AQR: variants seen among roughly 807,000 people sequenced by gnomAD.
AQR encodes RNA helicase aquarius.
A neutral mutation model predicts 180.5 loss-of-function variants in AQR; 61 were observed. That is an observed-to-expected ratio of 0.34 (90% CI 0.28 to 0.42). The LOEUF is 0.42. AQR is among the 10% of genes least tolerant of loss of function. AQR has a pLI of 1.00. For missense variants in AQR, 1,281 were observed against 1,798.3 expected, an observed-to-expected ratio of 0.71 and a Z score of 5.20; for synonymous variants, 551 against 588.8, an observed-to-expected ratio of 0.94 and a Z score of 0.93.
chr15:34,878,385 CAAAA>C (rs5811839), intron 27 of AQR, among the ~76,000 whole-genome samples: 1 of 41,658 alleles, frequency 2.4e-5, no homozygotes. Flanking sequence ...GACTCTGTCT[CAAAA>C]AAAAAAAAAA....
intron 31 of AQR, chr15:34,869,223 T>C (rs914979961): frequency 1.3e-5 from 2 of 152,306 alleles, no homozygotes; most frequent in Admixed American, 1.3e-4. Context: ...GGTAGTGGTA[T>C]ATCATTGTAG....
In AQR at chr15:34,942,072, G is replaced by C. The variant is rs1482917169; in HGVS notation, c.480C>G (p.Asp160Glu). Residue 160 changes from aspartate to glutamate, a missense_variant, in exon 7 of 35, where the codon GAC becomes GAG. Asp to Glu is a conservative substitution (Grantham distance 45, BLOSUM62 2). Coordinates refer to ENST00000156471, the MANE Select transcript of AQR (RefSeq NM_014691.3). ...LDHCFNSLEV[D>E]LIRSQVQQLI... ...GCTGCTGTACTTGACTTCGTATCAAGTCTACTTCCTGTTTAGGGCATGAAG... is the reference window on the plus strand; with the variant it reads ...GCTGCTGTACTTGACTTCGTATCAACTCTACTTCCTGTTTAGGGCATGAAG... The C allele has an allele frequency of 6.2e-7, 1 of 1,611,888 alleles. No individual in the cohort carries two copies. The highest frequency in any genetic ancestry group is 8.5e-7 in the Non-Finnish European group (1 of 1,178,652).
intron 30 of AQR, among the ~76,000 whole-genome samples, chr15:34,871,475 C>G (rs1351215726): frequency 1.3e-5 from 2 of 149,138 alleles, no homozygotes; most frequent in Non-Finnish European, 3.0e-5. Context: ...CCTCTGCACT[C>G]CAGCCTGGTG....
intron 17 of AQR, among the ~76,000 whole-genome samples, chr15:34,909,081 A>C (rs1234952766): frequency 6.6e-6 from 1 of 152,246 alleles, no homozygotes; most frequent in East Asian, 1.9e-4. Flanking sequence ...GCATTTGTTA[A>C]ACATTTGGCT....
In AQR at chr15:34,882,487, A is replaced by G; in HGVS notation, c.3165+15T>C. 1 of 1,464,764 alleles carries G rather than the reference A, an allele frequency of 6.8e-7. No individual in the cohort carries two copies. Among genetic ancestry groups the G allele is most frequent in the Non-Finnish European group, 9.0e-7 (1 of 1,107,474 alleles). 90.7% of individuals were successfully genotyped at this position (1,464,764 alleles called of 1,614,324 possible). A position where few individuals can be genotyped will look rare whatever the true frequency, so the allele number is the denominator to read the frequency against. On this transcript the variant is annotated intron_variant, in intron 27 of 34. Coordinates refer to ENST00000156471, the MANE Select transcript of AQR (RefSeq NM_014691.3). ...TCTTAAAAAAAAAAAAAAAAAAACT[A>G]CCATAAGTCTTTACCTTGAAACCTA...
intron 1 of AQR, among the ~76,000 whole-genome samples, chr15:34,968,236 G>A (rs1595369208): frequency 7.0e-6 from 1 of 142,762 alleles, no homozygotes; most frequent in Non-Finnish European, 1.5e-5. Flanking sequence ...AGAAGAAAAG[G>A]AAGGAAAGGA....
chr15:34,906,452 C>A, intron 18 of AQR, 93 bp downstream of exon 18: 4 of 1,468,728 alleles, frequency 2.7e-6, no homozygotes, highest in Non-Finnish European at 3.7e-6. Context: ...GGTAAAAGAA[C>A]TAAAAAATAT....
At chr15:34,857,754 AAAAAGAAAAAG>A (rs1198801346) in intron 34 of AQR, among the ~76,000 whole-genome samples, 2 of 151,562 alleles carry the variant, frequency 1.3e-5, no homozygotes, top group Non-Finnish European at 2.9e-5. Flanking sequence ...CTGTCTCAAG[AAAAAGAAAAAG>A]AAAAGAAAAA....
At chr15:34,862,801 C>T in intron 33 of AQR, 66 bp downstream of exon 33, 1 of 1,544,300 alleles carries the variant, frequency 6.5e-7, no homozygotes, top group Admixed American at 1.7e-5. Flanking sequence ...ATGTGGTCAC[C>T]TATAAGAAAA....
At position 34,904,430 on chromosome 15, in the gene AQR, T is replaced by G. The variant is rs777327818; in HGVS notation, c.1907A>C (p.Gln636Pro). 3.7e-6 allele frequency: 6 copies of G among 1,612,374 alleles called. No homozygotes were observed. The highest frequency in any genetic ancestry group is 2.5e-6 in the Non-Finnish European group (3 of 1,178,878). Reference sequence around the variant, plus strand: ...ATTTTGTATAGTATTGGTCATATCTTGTTGATACTGGTTTGGATCCAAAAA... The same window carrying G: ...ATTTTGTATAGTATTGGTCATATCTGGTTGATACTGGTTTGGATCCAAAAA... ...RVFLDPNQYQ[Q>P]DMTNTIQNGA... Residue 636 changes from glutamine (Q) to proline (P), a missense_variant, in exon 19 of 35, where the codon CAA becomes CCA. By Grantham distance (76) the Gln-to-Pro change is moderately conservative. Transcript: ENST00000156471.
rs550532118 is a variant in AQR, at chr15:34,860,380, G to A, written c.4030-225C>T. ...ATAAAAAGGGGGCCCAGGTCAGCAC[G>A]CTCTGCCTGCTGGCCACGTGACTCC... On this transcript the variant is annotated intron_variant, in intron 33 of 34. Coordinates refer to ENST00000156471, the MANE Select transcript of AQR (RefSeq NM_014691.3). Among the ~76,000 whole-genome samples, 79 of 151,522 alleles carry A rather than the reference G, an allele frequency of 5.2e-4. 1 individual carries two copies. In the South Asian group the frequency reaches 0.015, roughly 28 times the overall value.
chr15:34,965,715 C>T (rs1277281763), intron 1 of AQR, among the ~76,000 whole-genome samples: 1 of 151,830 alleles, frequency 6.6e-6, no homozygotes, highest in African/African-American at 2.4e-5. Context: ...ACCAATCACT[C>T]TCCAACTCAA....
intron 13 of AQR, among the ~76,000 whole-genome samples, chr15:34,923,633 T>G (rs1893713839): frequency 6.6e-6 from 1 of 152,190 alleles, no homozygotes; most frequent in Non-Finnish European, 1.5e-5. Context: ...TGGGTCAATG[T>G]TCATACTTTG....
intron 22 of AQR, among the ~76,000 whole-genome samples, chr15:34,896,407 A>G (rs1398902096): frequency 6.6e-6 from 1 of 152,248 alleles, no homozygotes; most frequent in East Asian, 1.9e-4. Context: ...CTTTATGAAC[A>G]CTGAAGCGAG....
At chr15:34,918,404 CAGA>C (rs1167165657) in intron 14 of AQR, 26 bp from the exon 15 acceptor site, 3 of 1,608,484 alleles carry the variant, frequency 1.9e-6, no homozygotes, top group Non-Finnish European at 2.5e-6. Context: ...CAAGTTCATG[CAGA>C]AGGTTAGAAG....
chr15:34,958,361 A>G (rs1250453339), intron 3 of AQR, among the ~76,000 whole-genome samples: 2 of 151,916 alleles, frequency 1.3e-5, no homozygotes, highest in African/African-American at 4.8e-5. Flanking sequence ...AAAAATACAA[A>G]AAGAATTAGC....
chr15:34,904,446 G>A lies in AQR; in HGVS notation c.1891C>T (p.Pro631Ser), dbSNP rs1893381084. Residue 631 changes from proline to serine, a missense_variant, in exon 19 of 35, where the codon CCA becomes TCA. By Grantham distance (74) the Pro-to-Ser change is moderately conservative (BLOSUM62 -1). This residue lies in a region of AQR where 200 missense variants were observed against 293.4 expected (regional missense o/e 0.68). Coordinates refer to ENST00000156471, the MANE Select transcript of AQR (RefSeq NM_014691.3). ...ESRTFRVFLD[P>S]NQYQQDMTNT... ...GTCATATCTTGTTGATACTGGTTTG[G>A]ATCCAAAAACACTCTAAATGTCCTT... The A allele has an allele frequency of 6.2e-7, 1 of 1,612,110 alleles. No homozygotes were observed. Among genetic ancestry groups the A allele is most frequent in the Admixed American group, 1.7e-5 (1 of 59,824 alleles).
chr15:34,945,404 T>C (rs1182633662), intron 5 of AQR, among the ~76,000 whole-genome samples: 1 of 152,242 alleles, frequency 6.6e-6, no homozygotes, highest in African/African-American at 2.4e-5. Flanking sequence ...CCTTTCCTAA[T>C]GCTACTTCAA....
chr15:34,860,225 C>A, intron 33 of AQR, 70 bp from the exon 34 acceptor site: 2 of 680,200 alleles, frequency 2.9e-6, no homozygotes, highest in Non-Finnish European at 4.5e-6. Flanking sequence ...TCAACATAAA[C>A]CCATTTCTTA....
Sources: gnomAD v4.1 joint callset for allele counts (sites outside exome capture counted in the v4.1 genomes callset) on GRCh38, gnomAD v4.1.1 for gene constraint, gnomAD v4.1.1 regional missense constraint, MANE v1.5 for transcripts, NCBI Gene and HGNC (gene_info 2026-07-23, HGNC 2026-07-21) for gene names.